Variants in CEP112 observed in about 807,000 individuals in gnomAD.
CEP112 encodes centrosomal protein of 112 kDa.
In CEP112, 127 loss-of-function variants were observed where a neutral mutation model predicts 153.0. The observed-to-expected ratio is 0.83, with a 90% CI of 0.72 to 0.96. CEP112 has a LOEUF of 0.96. Ranked by LOEUF, CEP112 falls within the 40% of genes least tolerant of loss-of-function variation. The pLI, the probability that CEP112 is intolerant of heterozygous loss-of-function variation, is 0.00. For synonymous variants in CEP112, 358 were observed against 374.4 expected (o/e 0.96, Z 0.51); for missense variants, 1,089 against 1,101.2 (o/e 0.99, Z 0.16).
chr17:65,788,275 A>G (rs540728814), intron 21 of CEP112, among the ~76,000 whole-genome samples: 2 of 152,210 alleles, frequency 1.3e-5, no homozygotes, highest in South Asian at 4.1e-4. Context: ...TGAAATGTAT[A>G]AACATTTTTA....
chr17:66,026,806 T>C (rs560911847), intron 16 of CEP112, among the ~76,000 whole-genome samples: 237 of 152,322 alleles, frequency 1.6e-3, no homozygotes, highest in Non-Finnish European at 2.7e-3. Context: ...TCACATGGAT[T>C]CAACATAGTA....
intron 19 of CEP112, among the ~76,000 whole-genome samples, chr17:65,918,186 A>AAAG (rs2143993375): frequency 6.6e-6 from 1 of 151,800 alleles, no homozygotes; most frequent in South Asian, 2.1e-4. Flanking sequence ...TCTCAAAAAA[A>AAAG]AAAAAAAATT....
chr17:65,793,567 A>G (rs1447084792), intron 21 of CEP112, among the ~76,000 whole-genome samples: 2 of 152,226 alleles, frequency 1.3e-5, no homozygotes, highest in Non-Finnish European at 2.9e-5. Flanking sequence ...CTCACACTTT[A>G]TCTCACATAT....
intron 21 of CEP112, among the ~76,000 whole-genome samples, chr17:65,824,059 AT>A (rs2056723347): frequency 6.6e-6 from 1 of 152,198 alleles, no homozygotes; most frequent in Non-Finnish European, 1.5e-5. Context: ...AAATTTAAAA[AT>A]ATACTTAACA....
At chr17:65,788,215 A>C (rs903223475) in intron 21 of CEP112, among the ~76,000 whole-genome samples, 3 of 152,152 alleles carry the variant, frequency 2.0e-5, no homozygotes, top group African/African-American at 7.2e-5. Flanking sequence ...ATATTAATGG[A>C]TTTCTAACAT....
At chr17:65,815,396 A>T (rs929078129) in intron 21 of CEP112, among the ~76,000 whole-genome samples, 4 of 152,126 alleles carry the variant, frequency 2.6e-5, no homozygotes, top group African/African-American at 7.2e-5. Context: ...TAATCTTTAC[A>T]CCAATACCAC....
At chr17:66,091,455 A>C (rs1179913650) in intron 8 of CEP112, among the ~76,000 whole-genome samples, 1 of 152,192 alleles carries the variant, frequency 6.6e-6, no homozygotes, top group Admixed American at 6.5e-5. Context: ...ATGTCAAAGA[A>C]GAAATTAAAA....
At chr17:66,031,578 C>T (rs541088735) in intron 12 of CEP112, among the ~76,000 whole-genome samples, 2 of 150,840 alleles carry the variant, frequency 1.3e-5, no homozygotes, top group Non-Finnish European at 2.9e-5. Context: ...CCCACCTCAG[C>T]TTCCTGAGCA....
Position 65,652,313 on chromosome 17 carries a change from A to G in CEP112, c.2698-11248T>C, listed in dbSNP as rs190576392. Among the ~76,000 whole-genome samples, 29 of 152,318 alleles carry G rather than the reference A, an allele frequency of 1.9e-4. No individual in the cohort carries two copies. The East Asian group carries it at 5.2e-3, about 27-fold the overall frequency. On this transcript the variant is annotated intron_variant, in intron 24 of 26. Transcript: ENST00000535342. The stretch of plus-strand genomic sequence containing the variant: ...GCCCCTAATCTGTGTGCTCCCAGAA[A>G]GAGTAACTTCTCTGTGCCTCAGTTT...
chr17:66,053,733 C>T lies in CEP112; in HGVS notation c.1218+3G>A, dbSNP rs201865217. 3.1e-6 allele frequency: 5 copies of T among 1,609,956 alleles called. No individual in the cohort carries two copies. In the Admixed American group the frequency reaches 8.4e-5, roughly 27 times the overall value. Reference sequence around the variant, plus strand: ...GATGTCAAGAACAGGTTTAAAGACTCACTGTGGACTGTGTTTGCGCCATGT... The same window carrying T: ...GATGTCAAGAACAGGTTTAAAGACTTACTGTGGACTGTGTTTGCGCCATGT... On this transcript the variant is annotated splice_donor_region_variant and intron_variant, in intron 12 of 26. Coordinates refer to ENST00000535342, the MANE Select transcript of CEP112 (RefSeq NM_001199165.4).
intron 18 of CEP112, among the ~76,000 whole-genome samples, chr17:65,959,906 A>G (rs1243624698): frequency 3.9e-5 from 6 of 152,206 alleles, no homozygotes; most frequent in Non-Finnish European, 8.8e-5. Flanking sequence ...GCAGCGTATC[A>G]GGCTGAGTGG....
intron 12 of CEP112, among the ~76,000 whole-genome samples, chr17:66,035,193 A>T (rs896839308): frequency 2.6e-5 from 4 of 151,656 alleles, no homozygotes; most frequent in Non-Finnish European, 5.9e-5. Flanking sequence ...AAATTATCAG[A>T]TCTGAAAGGA....
chr17:65,969,909 A>G (rs2062595368), intron 17 of CEP112, among the ~76,000 whole-genome samples: 1 of 152,240 alleles, frequency 6.6e-6, no homozygotes, highest in Non-Finnish European at 1.5e-5. Context: ...ACACATGCAT[A>G]TTACATGCAT....
chr17:65,874,723 A>G (rs2058767902), intron 20 of CEP112, among the ~76,000 whole-genome samples: 1 of 152,092 alleles, frequency 6.6e-6, no homozygotes, highest in African/African-American at 2.4e-5. Context: ...TTGGTTTTCC[A>G]TGCAGTTTCT....
At chr17:65,769,399 C>G (rs2053202041) in intron 21 of CEP112, among the ~76,000 whole-genome samples, 1 of 96,098 alleles carries the variant, frequency 1.0e-5, no homozygotes, top group South Asian at 3.6e-4. Context: ...TGACAGTCTT[C>G]ACAGAAATAG....
chr17:65,998,210 G>A (rs1182131148), intron 17 of CEP112, among the ~76,000 whole-genome samples: 1 of 151,350 alleles, frequency 6.6e-6, no homozygotes, highest in Non-Finnish European at 1.5e-5. Flanking sequence ...GTGAAACCCT[G>A]TCTCTACCAA....
intron 20 of CEP112, among the ~76,000 whole-genome samples, chr17:65,870,013 ATAAGAAAGAAAG>A (rs1568143851): frequency 5.3e-5 from 2 of 37,406 alleles, no homozygotes; most frequent in African/African-American, 1.4e-4. Flanking sequence ...TAGGTAGAGA[ATAAGAAAGAAAG>A]AAAGAAAGAA....
intron 20 of CEP112, among the ~76,000 whole-genome samples, chr17:65,856,664 G>T (rs978674159): frequency 9.2e-5 from 14 of 152,118 alleles, no homozygotes; most frequent in Admixed American, 2.0e-4. Flanking sequence ...TTGCATAGTG[G>T]TAAAATCTGG....
chr17:66,147,466 T>C (rs535083419), intron 4 of CEP112, among the ~76,000 whole-genome samples: 3 of 152,334 alleles, frequency 2.0e-5, no homozygotes, highest in East Asian at 1.9e-4. Flanking sequence ...CAGTTGATTA[T>C]GTCCTTTGAT....
Sources: allele counts gnomAD v4.1 joint callset (sites outside exome capture counted in the v4.1 genomes callset), GRCh38; gene constraint gnomAD v4.1.1; transcripts MANE v1.5; gene names NCBI Gene and HGNC (gene_info 2026-07-23, HGNC 2026-07-21).